ARL5C: variants seen among roughly 807,000 people sequenced by gnomAD.
ARL5C encodes putative ADP-ribosylation factor-like protein 5C.
A neutral mutation model predicts 20.8 loss-of-function variants in ARL5C; 21 were observed. That is an observed-to-expected ratio of 1.01 (90% CI 0.72 to 1.46). The LOEUF is 1.46. Ranked by LOEUF, ARL5C falls within the 40% of genes most tolerant of loss-of-function variation. The pLI is 0.00. For missense variants in ARL5C, 199 were observed against 225.1 expected (o/e 0.88, Z 0.74); for synonymous variants, 71 against 81.6 (o/e 0.87, Z 0.70).
rs16524 is a variant in ARL5C, at chr17:39,164,892, G to C, written c.107+187C>G. The C allele has an allele frequency of 6.4e-3, 3,707 of 577,046 alleles. 111 individuals are homozygous for C. The African/African-American group carries it at 0.065, about 10-fold the overall frequency. The allele number at this position is 577,046 out of a possible 1,614,324, so 35.7% of individuals were successfully genotyped here. Reference sequence around the variant, plus strand: ...CAGTGGGAGCTAGGGTTGCCTGTACGGTGCAGGATTTGAATGCCAGACCGA... The same window carrying C: ...CAGTGGGAGCTAGGGTTGCCTGTACCGTGCAGGATTTGAATGCCAGACCGA... On this transcript the variant is annotated intron_variant, in intron 2 of 5. Transcript: ENST00000269586.
At chr17:39,157,894 C>T (rs962628637) in intron 5 of ARL5C, among the ~76,000 whole-genome samples, 2 of 150,940 alleles carry the variant, frequency 1.3e-5, no homozygotes, top group African/African-American at 4.9e-5. Flanking sequence ...GAGATCGAGA[C>T]CATCCTGGCT....
At chr17:39,159,022 GTTTT>G (rs869126572) in intron 5 of ARL5C, among the ~76,000 whole-genome samples, 8 of 52,466 alleles carry the variant, frequency 1.5e-4, no homozygotes, top group Admixed American at 2.7e-4. Context: ...TTTATCACTT[GTTTT>G]TTTTTTTTTT....
At chr17:39,160,438 A>G (rs770783676) in intron 5 of ARL5C, 153 bp downstream of exon 5, 1 of 825,810 alleles carries the variant, frequency 1.2e-6, no homozygotes, top group Non-Finnish European at 1.9e-6. Context: ...CTTACCCACC[A>G]CATCTCACCT....
At position 39,162,823 on chromosome 17, in the gene ARL5C, A is replaced by G; in HGVS notation, c.143T>C (p.Ile48Thr). The G allele has an allele frequency of 1.3e-6, 2 of 1,551,260 alleles. No homozygotes were observed. The highest frequency in any genetic ancestry group is 1.7e-6 in the Non-Finnish European group (2 of 1,146,974). The change falls in exon 3 of 6, where the codon ATT becomes ACT. Residue 48 changes from isoleucine (I) to threonine (T), a missense_variant. Physicochemically the swap from Ile to Thr is moderately conservative, Grantham distance 89. Coordinates refer to ENST00000269586, the MANE Select transcript of ARL5C (RefSeq NM_001143968.1). ...AATGATCTCCTCCACGTTGCTGCCA[A>G]TGGTGGGACACATATGGACCACCTC... ...TNEVVHMCPT[I>T]GSNVEEIILP...
chr17:39,160,850 G>A, intron 4 of ARL5C, 108 bp from the exon 5 acceptor site: 8 of 1,351,450 alleles, frequency 5.9e-6, no homozygotes, highest in Non-Finnish European at 7.0e-6. Context: ...CAGGAAGAGA[G>A]GCCCATGCCT....
intron 1 of ARL5C, 134 bp from the exon 2 acceptor site, chr17:39,165,273 G>A (rs1025873492): frequency 9.4e-6 from 8 of 847,082 alleles, no homozygotes; most frequent in Admixed American, 4.4e-5. Flanking sequence ...TACCGCGTCT[G>A]CTTCCCACCC....
At chr17:39,160,347 A>T in intron 5 of ARL5C, 3 of 412,684 alleles carry the variant, frequency 7.3e-6, no homozygotes, top group African/African-American at 2.1e-5. Flanking sequence ...AAAGAGAGAG[A>T]GATTATTGCA....
At position 39,165,064 on chromosome 17, in the gene ARL5C, C is replaced by T; in HGVS notation, c.107+15G>A. 1.9e-6 allele frequency: 3 copies of T among 1,551,664 alleles called. No homozygotes were observed. The highest frequency in any genetic ancestry group is 2.6e-6 in the Non-Finnish European group (3 of 1,146,914). ...AGGCCCAGCTCTCTACCCTCCCCGC[C>T]CGAGAGTCACTTACAACCGGTAGAG... is the stretch of plus-strand genomic sequence containing the variant. On this transcript the variant is annotated intron_variant, in intron 2 of 5. Transcript: ENST00000269586.
chr17:39,165,533 A>G, intron 1 of ARL5C, 182 bp downstream of exon 1: 1 of 703,584 alleles, frequency 1.4e-6, no homozygotes, highest in Non-Finnish European at 2.3e-6. Flanking sequence ...GGCGCACCGA[A>G]GCGCCGGGAC....
intron 5 of ARL5C, among the ~76,000 whole-genome samples, chr17:39,157,277 T>C (rs1381508817): frequency 6.6e-6 from 1 of 152,204 alleles, no homozygotes; most frequent in Non-Finnish European, 1.5e-5. Flanking sequence ...CAGGGAGGGC[T>C]TCTCTGAGGA....
chr17:39,163,922 G>A (rs959969301), intron 2 of ARL5C, among the ~76,000 whole-genome samples: 2 of 151,712 alleles, frequency 1.3e-5, no homozygotes, highest in South Asian at 2.1e-4. Context: ...GTGCCACCAC[G>A]CCCAGCTAAT....
At chr17:39,160,073 C>T (rs1249867732) in intron 5 of ARL5C, 2 of 155,232 alleles carry the variant, frequency 1.3e-5, no homozygotes, top group Non-Finnish European at 2.8e-5. Context: ...TGGCTCATGC[C>T]TGTAATCCCA....
downstream of ARL5C, chr17:39,156,773 G>A: frequency 8.4e-7 from 1 of 1,184,636 alleles, no homozygotes; most frequent in Admixed American, 2.1e-5. Context: ...CAATCTCACT[G>A]TCCATAGCAG....
rs1253935402 is a variant in ARL5C at position 39,161,248 on chromosome 17, C to T, written c.339+20G>A. The stretch of plus-strand genomic sequence containing the variant: ...CACAGCTAGTACCACTGGGCCCTCT[C>T]CCAACTGCAGGGGGCTTACCTCATG... On this transcript the variant is annotated intron_variant, in intron 4 of 5. Coordinates refer to ENST00000269586, the MANE Select transcript of ARL5C (RefSeq NM_001143968.1). 3 of 1,550,400 alleles carry T rather than the reference C, an allele frequency of 1.9e-6. No individual in the cohort carries two copies. Among genetic ancestry groups the T allele is most frequent in the South Asian group, 1.2e-5 (1 of 84,018 alleles).
At chr17:39,165,378 C>A in intron 1 of ARL5C, 1 of 591,608 alleles carries the variant, frequency 1.7e-6, no homozygotes, top group Non-Finnish European at 3.0e-6. Flanking sequence ...AGGCCCGGGG[C>A]GCTTCGGGGC....
chr17:39,159,741 G>A (rs1597667750), intron 5 of ARL5C, among the ~76,000 whole-genome samples: 1 of 152,202 alleles, frequency 6.6e-6, no homozygotes, highest in African/African-American at 2.4e-5. Flanking sequence ...CACAAAGGAG[G>A]TGCTCAAGAA....
intron 5 of ARL5C, among the ~76,000 whole-genome samples, chr17:39,157,660 C>T (rs532193910): frequency 6.6e-6 from 1 of 152,078 alleles, no homozygotes; most frequent in South Asian, 2.1e-4. Context: ...CATGTTGGCG[C>T]ATGCCTGTAA....
In ARL5C at chr17:39,165,701, T is replaced by C; in HGVS notation, c.46+14A>G. 6.4e-7 allele frequency: 1 copy of C among 1,551,822 alleles called. No individual in the cohort carries two copies. Among genetic ancestry groups the C allele is most frequent in the Non-Finnish European group, 8.7e-7 (1 of 1,146,976 alleles). ...GATCAAAGCGCTCGCTTGGATGCCC[T>C]GTGCGCCCCTTACCCTGGTTCCCGA... is the stretch of plus-strand genomic sequence containing the variant. On this transcript the variant is annotated intron_variant, in intron 1 of 5. Coordinates refer to ENST00000269586, the MANE Select transcript of ARL5C (RefSeq NM_001143968.1).
chr17:39,164,806 T>C (rs1044689976), intron 2 of ARL5C, among the ~76,000 whole-genome samples: 1 of 151,970 alleles, frequency 6.6e-6, no homozygotes, highest in Admixed American at 6.6e-5. Flanking sequence ...GGGAGGCAGT[T>C]TGGGACACTT....
Sources: allele counts gnomAD v4.1 joint callset (sites outside exome capture counted in the v4.1 genomes callset), GRCh38; gene constraint gnomAD v4.1.1; transcripts MANE v1.5; gene names NCBI Gene and HGNC (gene_info 2026-07-23, HGNC 2026-07-21).